Variants in EPB41L4A observed in about 807,000 individuals in gnomAD.
EPB41L4A encodes band 4.1-like protein 4A.
Under a neutral mutation model 108.6 loss-of-function variants are expected in EPB41L4A, and 100 were observed. That is an observed-to-expected ratio of 0.92 (90% CI 0.78 to 1.09). The LOEUF (loss-of-function observed/expected upper bound fraction) is 1.09, where lower values mean the gene tolerates loss of function less well. EPB41L4A is among the 50% of genes least tolerant of loss of function. The pLI, the probability that EPB41L4A is intolerant of heterozygous loss-of-function variation, is 0.00. For missense variants in EPB41L4A, 1,030 were observed against 842.7 expected, an observed-to-expected ratio of 1.22 and a Z score of -2.75; for synonymous variants, 319 against 289.0, an observed-to-expected ratio of 1.10 and a Z score of -1.05.
chr5:112,330,765 A>G (rs868046764), intron 1 of EPB41L4A, among the ~76,000 whole-genome samples: 2 of 152,120 alleles, frequency 1.3e-5, no homozygotes, highest in Non-Finnish European at 2.9e-5. Flanking sequence ...TTAAAAAAAA[A>G]AAAGGATTAT....
Position 112,265,852 on chromosome 5 carries a change from C to G in EPB41L4A, c.433+381G>C, listed in dbSNP as rs1271349497. Among the ~76,000 whole-genome samples, 10 of 152,312 alleles carry G rather than the reference C, an allele frequency of 6.6e-5. No individual in the cohort carries two copies. In the South Asian group the frequency reaches 2.1e-3, roughly 32 times the overall value. On this transcript the variant is annotated intron_variant, in intron 5 of 22. Transcript: ENST00000261486. ...GCGGAACCTAGCAATAGCACCTGGC[C>G]ATGCAGACTCTTCACAACAGCAATG...
At chr5:112,209,822 C>T in intron 13 of EPB41L4A, 70 bp downstream of exon 13, 1 of 893,448 alleles carries the variant, frequency 1.1e-6, no homozygotes, top group Admixed American at 2.2e-5. Flanking sequence ...GATTTTTAAC[C>T]TTGTCTACAG....
chr5:112,253,796 C>T (rs4635975), intron 9 of EPB41L4A, among the ~76,000 whole-genome samples: 50,147 of 152,012 alleles, frequency 0.33, 8,632 homozygotes, highest in Non-Finnish European at 0.38. Flanking sequence ...ATATGTTCTT[C>T]GTAATATTTT....
At chr5:112,283,640 T>G (rs1314397827) in intron 2 of EPB41L4A, among the ~76,000 whole-genome samples, 2 of 152,228 alleles carry the variant, frequency 1.3e-5, no homozygotes, top group African/African-American at 4.8e-5. Flanking sequence ...ACTCTAAAAC[T>G]GGGATATCAT....
At position 112,194,645 on chromosome 5, in the gene EPB41L4A, C is replaced by T; in HGVS notation, c.1425G>A (p.Arg475=). The T allele has an allele frequency of 6.3e-7, 1 of 1,594,238 alleles. No homozygotes were observed. Residue 475 remains arginine, a splice_region_variant and synonymous_variant, in exon 17 of 23, where the codon AGG becomes AGA. Coordinates refer to ENST00000261486, the MANE Select transcript of EPB41L4A (RefSeq NM_022140.5). ...GEDSDLKQRR[R]SRSRCNTSSG... is the part of the protein sequence containing the mutation. Reference sequence around the variant, plus strand: ...TGCTGGTGTTACAGCGTGAACGTGACCTGAAGACAAAAAGGTAAGAACAAA... The same window carrying T: ...TGCTGGTGTTACAGCGTGAACGTGATCTGAAGACAAAAAGGTAAGAACAAA...
At chr5:112,286,067 T>C (rs1023239262) in intron 2 of EPB41L4A, among the ~76,000 whole-genome samples, 1 of 152,098 alleles carries the variant, frequency 6.6e-6, no homozygotes, top group Non-Finnish European at 1.5e-5. Context: ...TACTCTCAAC[T>C]AATACTCTTC....
rs1760049205 is a variant in EPB41L4A at position 112,163,594 on chromosome 5, G to A, written c.*1396C>T. ...TCCTAAAAATTCTCCCTGGGATTAAGTAACACAGTGATTGATATTAGTGGA... is the reference window on the plus strand; with the variant it reads ...TCCTAAAAATTCTCCCTGGGATTAAATAACACAGTGATTGATATTAGTGGA... On this transcript the variant is annotated 3_prime_UTR_variant, in exon 23 of 23. Transcript: ENST00000261486. 1 of 152,186 alleles carries A rather than the reference G, an allele frequency of 6.6e-6. No homozygotes were observed. Among genetic ancestry groups the A allele is most frequent in the Admixed American group, 6.5e-5 (1 of 15,280 alleles). The allele number at this position is 152,186 out of a possible 1,614,324, so 9.4% of individuals were successfully genotyped here. A position where few individuals can be genotyped will look rare whatever the true frequency, so the allele number is the denominator to read the frequency against.
At chr5:112,190,309 A>AG (rs539280681) in intron 17 of EPB41L4A, among the ~76,000 whole-genome samples, 63 of 151,740 alleles carry the variant, frequency 4.2e-4, no homozygotes, top group Admixed American at 5.9e-4. Context: ...GTAAGTTTTA[A>AG]GGGGGGGGTG....
intron 1 of EPB41L4A, among the ~76,000 whole-genome samples, chr5:112,409,940 C>T (rs1472943588): frequency 2.0e-5 from 3 of 152,116 alleles, no homozygotes; most frequent in Non-Finnish European, 4.4e-5. Flanking sequence ...AAGCCTATGC[C>T]CTCTTCACCT....
chr5:112,221,340 C>T (rs1156907593), intron 12 of EPB41L4A, among the ~76,000 whole-genome samples: 2 of 152,216 alleles, frequency 1.3e-5, no homozygotes, highest in Non-Finnish European at 2.9e-5. Flanking sequence ...CATTGCTTCT[C>T]TAGTCTTGCA....
At chr5:112,418,232 A>G (rs1262152293) in intron 1 of EPB41L4A, among the ~76,000 whole-genome samples, 1 of 152,232 alleles carries the variant, frequency 6.6e-6, no homozygotes, top group African/African-American at 2.4e-5. Flanking sequence ...GGTTGTCACT[A>G]CAAACATACG....
At chr5:112,282,393 A>G (rs1198358334) in intron 2 of EPB41L4A, among the ~76,000 whole-genome samples, 1 of 152,256 alleles carries the variant, frequency 6.6e-6, no homozygotes, top group Non-Finnish European at 1.5e-5. Context: ...AACCAAGGAA[A>G]ACAAACGCAA....
rs999749530 is a variant in EPB41L4A at position 112,330,731 on chromosome 5, T to C, written c.100-23241A>G. ...TATCCTGCCTCTAGTGTGCAGAGTA[T>C]TCTATTCTATCTTTGGTATAGGTTT... On this transcript the variant is annotated intron_variant, in intron 1 of 22. Transcript: ENST00000261486. Among the ~76,000 whole-genome samples, 7 of 151,958 alleles carry C rather than the reference T, an allele frequency of 4.6e-5. No homozygotes were observed. In the East Asian group the frequency reaches 1.4e-3, roughly 29 times the overall value.
rs1333364328 is a variant in EPB41L4A at position 112,405,444 on chromosome 5, T to C, written c.99+13497A>G. Among the ~76,000 whole-genome samples, 6 of 152,240 alleles carry C rather than the reference T, an allele frequency of 3.9e-5. No individual in the cohort carries two copies. In the East Asian group the frequency reaches 7.7e-4, roughly 20 times the overall value. ...TTTTAAAGCTGCTAAGTTTTGTCCA[T>C]AATTTGCCACATAGCAATAGATAAT... On this transcript the variant is annotated intron_variant, in intron 1 of 22. Coordinates refer to ENST00000261486, the MANE Select transcript of EPB41L4A (RefSeq NM_022140.5).
At chr5:112,149,126 C>A (rs1028580905) in intron 12 of EPB41L4A, among the ~76,000 whole-genome samples, 1 of 152,094 alleles carries the variant, frequency 6.6e-6, no homozygotes, top group Non-Finnish European at 1.5e-5. Flanking sequence ...TTATTTTAAA[C>A]GAACTACTGA....
chr5:112,330,297 A>G (rs1756479846), intron 1 of EPB41L4A, among the ~76,000 whole-genome samples: 1 of 152,114 alleles, frequency 6.6e-6, no homozygotes, highest in South Asian at 2.1e-4. Context: ...TTAAGGTCTC[A>G]TTCTTACCAT....
At position 112,165,138 on chromosome 5, in the gene EPB41L4A, T is replaced by C. The variant is rs1356868541; in HGVS notation, c.1933-20A>G. The C allele has an allele frequency of 7.7e-6, 9 of 1,172,576 alleles. No individual in the cohort carries two copies. The highest frequency in any genetic ancestry group is 5.2e-5 in the African/African-American group (3 of 57,360). 72.6% of individuals were successfully genotyped at this position (1,172,576 alleles called of 1,614,324 possible). A position where few individuals can be genotyped will look rare whatever the true frequency, so the allele number is the denominator to read the frequency against. ...TCTTCTCTAAAATATATTTGAAAAA[T>C]GTAGAAAGATTCAGAAGAAAACAGC... On this transcript the variant is annotated intron_variant, in intron 22 of 22. Transcript: ENST00000261486.
chr5:112,167,464 T>C (rs1760319108), intron 22 of EPB41L4A, among the ~76,000 whole-genome samples: 1 of 152,120 alleles, frequency 6.6e-6, no homozygotes, highest in African/African-American at 2.4e-5. Flanking sequence ...GACTGAGGCA[T>C]TCATTCTCTA....
At chr5:112,308,152 T>G (rs1754813668) in intron 1 of EPB41L4A, among the ~76,000 whole-genome samples, 1 of 152,184 alleles carries the variant, frequency 6.6e-6, no homozygotes, top group Non-Finnish European at 1.5e-5. Flanking sequence ...ATTCTTTAAA[T>G]TAAGATTCTT....
Sources: allele counts gnomAD v4.1 joint callset (sites outside exome capture counted in the v4.1 genomes callset), GRCh38; gene constraint gnomAD v4.1.1; transcripts MANE v1.5; gene names NCBI Gene and HGNC (gene_info 2026-07-23, HGNC 2026-07-21).